Variants in ZCCHC7 observed in about 807,000 individuals in gnomAD.
The protein encoded by ZCCHC7 is zinc finger CCHC domain-containing protein 7.
A neutral mutation model predicts 52.0 loss-of-function variants in ZCCHC7; 35 were observed. The observed-to-expected ratio is 0.67, with a 90% confidence interval of 0.51 to 0.89. ZCCHC7 has a LOEUF of 0.89. Among genes scored for constraint, ZCCHC7 ranks in the 40% least tolerant of loss-of-function variants. ZCCHC7 has a pLI of 0.00. For missense variants in ZCCHC7, 574 were observed against 649.1 expected, an observed-to-expected ratio of 0.88 and a Z score of 1.26; for synonymous variants, 217 against 221.5, an observed-to-expected ratio of 0.98 and a Z score of 0.18.
chr9:37,247,493 A>G (rs534177930), intron 2 of ZCCHC7, among the ~76,000 whole-genome samples: 16 of 152,310 alleles, frequency 1.1e-4, no homozygotes, highest in African/African-American at 3.6e-4. Flanking sequence ...CCCCATCTGT[A>G]ACTCTGTTCT....
At chr9:37,314,515 C>G (rs184626616) in intron 5 of ZCCHC7, among the ~76,000 whole-genome samples, 1 of 152,204 alleles carries the variant, frequency 6.6e-6, no homozygotes, top group Non-Finnish European at 1.5e-5. Flanking sequence ...AATTCTGGGA[C>G]ATAATTATCT....
At chr9:37,260,651 A>G (rs1826821046) in intron 2 of ZCCHC7, among the ~76,000 whole-genome samples, 1 of 152,212 alleles carries the variant, frequency 6.6e-6, no homozygotes, top group African/African-American at 2.4e-5. Context: ...CTTCCCTAAG[A>G]TGAACTATTT....
At chr9:37,177,978 T>C (rs2133030251) in intron 2 of ZCCHC7, among the ~76,000 whole-genome samples, 1 of 152,306 alleles carries the variant, frequency 6.6e-6, no homozygotes, top group East Asian at 1.9e-4. Flanking sequence ...CTTCAGTTAA[T>C]AAGGTATCAA....
intron 5 of ZCCHC7, among the ~76,000 whole-genome samples, chr9:37,312,144 T>C (rs1004001047): frequency 6.6e-6 from 1 of 152,252 alleles, no homozygotes; most frequent in Non-Finnish European, 1.5e-5. Context: ...GAAATAAGAA[T>C]GGCTGAAACA....
intron 2 of ZCCHC7, among the ~76,000 whole-genome samples, chr9:37,182,639 T>C (rs1822429189): frequency 6.6e-6 from 1 of 152,218 alleles, no homozygotes; most frequent in Non-Finnish European, 1.5e-5. Flanking sequence ...GTGCTGGGAT[T>C]ATAGGCATGA....
At chr9:37,216,317 TA>T (rs1374356864) in intron 2 of ZCCHC7, among the ~76,000 whole-genome samples, 1 of 152,218 alleles carries the variant, frequency 6.6e-6, no homozygotes, top group Non-Finnish European at 1.5e-5. Flanking sequence ...TTTATTATAT[TA>T]TTGTGAGACA....
At chr9:37,252,585 T>C (rs1187699152) in intron 2 of ZCCHC7, among the ~76,000 whole-genome samples, 1 of 152,168 alleles carries the variant, frequency 6.6e-6, no homozygotes, top group African/African-American at 2.4e-5. Context: ...GGAAAACACA[T>C]AGAGATTTCT....
chr9:37,291,621 T>C (rs1828542128), intron 2 of ZCCHC7, among the ~76,000 whole-genome samples: 1 of 152,198 alleles, frequency 6.6e-6, no homozygotes, highest in Non-Finnish European at 1.5e-5. Flanking sequence ...CAATTGATCA[T>C]TCTGATTGTT....
At chr9:37,254,778 T>C (rs188579737) in intron 2 of ZCCHC7, among the ~76,000 whole-genome samples, 6 of 149,742 alleles carry the variant, frequency 4.0e-5, no homozygotes, top group African/African-American at 9.8e-5. Flanking sequence ...ATTTGTGTTA[T>C]ATACTTAAAG....
chr9:37,134,848 C>T (rs1564134190), intron 2 of ZCCHC7, among the ~76,000 whole-genome samples: 2 of 152,176 alleles, frequency 1.3e-5, no homozygotes, highest in African/African-American at 2.4e-5. Flanking sequence ...GCCTCAGCCT[C>T]CCGAGTAGCT....
intron 5 of ZCCHC7, among the ~76,000 whole-genome samples, chr9:37,313,484 G>T (rs925767107): frequency 6.6e-6 from 1 of 152,160 alleles, no homozygotes; most frequent in Non-Finnish European, 1.5e-5. Flanking sequence ...AATTTTCATG[G>T]TTGCAAATGT....
intron 2 of ZCCHC7, among the ~76,000 whole-genome samples, chr9:37,167,300 G>C (rs1480079103): frequency 1.4e-5 from 2 of 141,518 alleles, no homozygotes; most frequent in East Asian, 2.0e-4. Flanking sequence ...ATGGGATCTT[G>C]CTTTGTTTCC....
intron 1 of ZCCHC7, among the ~76,000 whole-genome samples, chr9:37,122,901 C>T (rs1842376828): frequency 6.6e-6 from 1 of 152,218 alleles, no homozygotes; most frequent in Non-Finnish European, 1.5e-5. Context: ...TGCGCCACTG[C>T]ACTCTCACCT....
chr9:37,176,614 A>G (rs1822045473), intron 2 of ZCCHC7, among the ~76,000 whole-genome samples: 1 of 151,824 alleles, frequency 6.6e-6, no homozygotes, highest in Non-Finnish European at 1.5e-5. Context: ...ATCATATATT[A>G]AAATATATGC....
chr9:37,278,034 G>GTGTGTTGTTTTGTTTTGTTTTGTTT (rs74182939), intron 2 of ZCCHC7, among the ~76,000 whole-genome samples: 1 of 142,860 alleles, frequency 7.0e-6, no homozygotes, highest in African/African-American at 2.6e-5. Context: ...GTGTGTGTGT[G>GTGTGTTGTTTTGTTTTGTTTTGTTT]TGTTTTGTTT....
chr9:37,347,416 T>A (rs149782553), intron 6 of ZCCHC7, among the ~76,000 whole-genome samples: 145 of 152,330 alleles, frequency 9.5e-4, no homozygotes, highest in African/African-American at 3.4e-3. Context: ...CAAAGGTAAT[T>A]GAGGTTCTTG....
chr9:37,147,190 AC>A (rs1843470686), intron 2 of ZCCHC7, among the ~76,000 whole-genome samples: 1 of 151,980 alleles, frequency 6.6e-6, no homozygotes, highest in Non-Finnish European at 1.5e-5. Flanking sequence ...GATAATTTCT[AC>A]CCAAACACCT....
intron 2 of ZCCHC7, among the ~76,000 whole-genome samples, chr9:37,169,563 T>C (rs1821616990): frequency 6.6e-6 from 1 of 152,226 alleles, no homozygotes; most frequent in African/African-American, 2.4e-5. Context: ...AACCCAACAT[T>C]GCTGGTTTTA....
At chr9:37,247,918 AAAT>A (rs922086333) in intron 2 of ZCCHC7, among the ~76,000 whole-genome samples, 3 of 151,610 alleles carry the variant, frequency 2.0e-5, no homozygotes, top group Non-Finnish European at 4.4e-5. Flanking sequence ...GTAAAAGTAA[AAAT>A]AATAATAATA....
Sources: gnomAD v4.1 joint callset for allele counts (sites outside exome capture counted in the v4.1 genomes callset) on GRCh38, gnomAD v4.1.1 for gene constraint, MANE v1.5 for transcripts, NCBI Gene and HGNC (gene_info 2026-07-23, HGNC 2026-07-21) for gene names.